CDYL2: variants seen among roughly 807,000 people sequenced by gnomAD.
CDYL2 encodes chromodomain Y like 2.
In CDYL2, 23 loss-of-function variants were observed where a neutral mutation model predicts 49.4. That is an observed-to-expected ratio of 0.47 (90% CI 0.34 to 0.66). CDYL2 has a LOEUF of 0.66. Among genes scored for constraint, CDYL2 ranks in the 30% least tolerant of loss-of-function variants. CDYL2 has a pLI of 0.01. For missense variants in CDYL2, 678 were observed against 656.4 expected (o/e 1.03, Z -0.36); for synonymous variants, 360 against 268.8 (o/e 1.34, Z -3.32).
Position 80,709,369 on chromosome 16 carries a change from G to A in CDYL2, c.25-24240C>T, listed in dbSNP as rs140942055. On this transcript the variant is annotated intron_variant, in intron 1 of 6. Coordinates refer to ENST00000570137, the MANE Select transcript of CDYL2 (RefSeq NM_152342.4). ...TGCACTCCAGCCTAGGCAACATAGCGAGACTCCATTTCAAAAAAAAAAAAA... is the reference window on the plus strand; with the variant it reads ...TGCACTCCAGCCTAGGCAACATAGCAAGACTCCATTTCAAAAAAAAAAAAA... Among the ~76,000 whole-genome samples, 772 of 138,614 alleles carry A rather than the reference G, an allele frequency of 5.6e-3. 7 individuals carry two copies. Among genetic ancestry groups the A allele is most frequent in the African/African-American group, 0.02 (693 of 33,830 alleles). 90.9% of individuals were successfully genotyped at this position (138,614 alleles called of 152,430 possible). A position where few individuals can be genotyped will look rare whatever the true frequency, so the allele number is the denominator to read the frequency against.
chr16:80,666,431 T>C (rs1224477639), intron 2 of CDYL2, among the ~76,000 whole-genome samples: 1 of 152,214 alleles, frequency 6.6e-6, no homozygotes, highest in Non-Finnish European at 1.5e-5. Context: ...ATACAGAGGC[T>C]GCAGCCCAAA....
At chr16:80,668,283 C>A (rs1045996030) in intron 2 of CDYL2, among the ~76,000 whole-genome samples, 2 of 152,132 alleles carry the variant, frequency 1.3e-5, no homozygotes, top group East Asian at 3.9e-4. Context: ...AATCTTTACT[C>A]GGATGTCAAC....
At chr16:80,750,308 A>C (rs1220764054) in intron 1 of CDYL2, among the ~76,000 whole-genome samples, 2 of 151,886 alleles carry the variant, frequency 1.3e-5, no homozygotes, top group Non-Finnish European at 2.9e-5. Flanking sequence ...ACCCACAAAT[A>C]TCATCTTGTT....
At chr16:80,734,888 G>A (rs987411381) in intron 1 of CDYL2, among the ~76,000 whole-genome samples, 1 of 152,142 alleles carries the variant, frequency 6.6e-6, no homozygotes, top group Non-Finnish European at 1.5e-5. Context: ...TCCAATGACT[G>A]ACAATCCTTG....
chr16:80,652,895 G>A (rs564996531), intron 2 of CDYL2, among the ~76,000 whole-genome samples: 1 of 152,280 alleles, frequency 6.6e-6, no homozygotes, highest in Middle Eastern at 3.4e-3. Flanking sequence ...AAGAAGGAAA[G>A]CCTGAGAAAC....
chr16:80,620,419 T>C (rs1907027203), intron 4 of CDYL2, among the ~76,000 whole-genome samples: 1 of 152,118 alleles, frequency 6.6e-6, no homozygotes, highest in Admixed American at 6.5e-5. Context: ...GGGAGTAGTG[T>C]GGACAACACA....
At chr16:80,764,789 G>T (rs1057420757) in intron 1 of CDYL2, among the ~76,000 whole-genome samples, 4 of 151,950 alleles carry the variant, frequency 2.6e-5, no homozygotes, top group African/African-American at 9.7e-5. Context: ...GGCTAGGCGC[G>T]GTGGCTCAAG....
intron 4 of CDYL2, among the ~76,000 whole-genome samples, chr16:80,620,504 C>T (rs1342451945): frequency 6.6e-6 from 1 of 152,164 alleles, no homozygotes; most frequent in African/African-American, 2.4e-5. Flanking sequence ...TGGGATCTAA[C>T]CTAGAGGGCA....
intron 1 of CDYL2, among the ~76,000 whole-genome samples, chr16:80,768,140 C>T (rs1906787250): frequency 6.6e-6 from 1 of 152,182 alleles, no homozygotes. Flanking sequence ...AGCCTGATGA[C>T]TTCACAGCCC....
At chr16:80,694,446 T>C (rs1336508010) in intron 1 of CDYL2, among the ~76,000 whole-genome samples, 2 of 151,738 alleles carry the variant, frequency 1.3e-5, no homozygotes, top group African/African-American at 2.4e-5. Context: ...TGAGCAAATA[T>C]GTAAATAATT....
chr16:80,698,424 G>A (rs1338134333), intron 1 of CDYL2, among the ~76,000 whole-genome samples: 3 of 152,044 alleles, frequency 2.0e-5, no homozygotes, highest in African/African-American at 7.2e-5. Flanking sequence ...CCAAATAGCT[G>A]AATTAAAAAA....
Position 80,602,283 on chromosome 16 carries a change from C to G in CDYL2, c.*2105G>C, listed in dbSNP as rs1042001475. ...CTCCCTGTAGGACAGGTCCGAAGTC[C>G]TTACAGGATCCTACATGGACAAAGG... On this transcript the variant is annotated 3_prime_UTR_variant, in exon 7 of 7. Transcript: ENST00000570137. 4 of 152,200 alleles carry G rather than the reference C, an allele frequency of 2.6e-5. No homozygotes were observed. Among genetic ancestry groups the G allele is most frequent in the Non-Finnish European group, 4.4e-5 (3 of 68,038 alleles). The allele number at this position is 152,200 out of a possible 1,614,324, so 9.4% of individuals were successfully genotyped here. A position where few individuals can be genotyped will look rare whatever the true frequency, so the allele number is the denominator to read the frequency against.
chr16:80,735,790 G>T (rs1428600601), intron 1 of CDYL2, among the ~76,000 whole-genome samples: 2 of 152,176 alleles, frequency 1.3e-5, no homozygotes, highest in Admixed American at 6.5e-5. Context: ...CATTTGCATT[G>T]CCTCTTCAAA....
At chr16:80,776,974 C>A (rs1262838882) in intron 1 of CDYL2, among the ~76,000 whole-genome samples, 1 of 151,930 alleles carries the variant, frequency 6.6e-6, no homozygotes, top group Non-Finnish European at 1.5e-5. Flanking sequence ...CACGCTGCCA[C>A]GCCCGGCTAA....
chr16:80,622,121 T>C lies in CDYL2; in HGVS notation c.835-1186A>G, dbSNP rs545921236. ...TCACACAATGCCTAGTCTATGCACTTTGACACTGCAAATTCCCACTATCTG... is the reference window on the plus strand; with the variant it reads ...TCACACAATGCCTAGTCTATGCACTCTGACACTGCAAATTCCCACTATCTG... On this transcript the variant is annotated intron_variant, in intron 3 of 6. Coordinates refer to ENST00000570137, the MANE Select transcript of CDYL2 (RefSeq NM_152342.4). 1.4e-3 allele frequency among the ~76,000 whole-genome samples: 215 copies of C among 152,322 alleles called. 1 individual carries two copies. The highest frequency in any genetic ancestry group is 4.9e-3 in the African/African-American group (205 of 41,564).
At chr16:80,683,544 G>C (rs543838837) in intron 2 of CDYL2, among the ~76,000 whole-genome samples, 1 of 149,982 alleles carries the variant, frequency 6.7e-6, no homozygotes, top group East Asian at 2.0e-4. Context: ...GGCTGTGTTA[G>C]AGTAAGAGGC....
At chr16:80,736,100 G>C (rs1205361421) in intron 1 of CDYL2, among the ~76,000 whole-genome samples, 1 of 152,338 alleles carries the variant, frequency 6.6e-6, no homozygotes. Context: ...ACTCCCAGCT[G>C]TCACAGCTGG....
At chr16:80,635,613 A>C (rs1266565999) in intron 2 of CDYL2, among the ~76,000 whole-genome samples, 1 of 152,236 alleles carries the variant, frequency 6.6e-6, no homozygotes, top group Non-Finnish European at 1.5e-5. Context: ...AGGAAGAATC[A>C]ATATCGTAAA....
chr16:80,669,413 G>A (rs1006822253), intron 2 of CDYL2, among the ~76,000 whole-genome samples: 27 of 152,220 alleles, frequency 1.8e-4, no homozygotes, highest in South Asian at 6.2e-4. Context: ...GAACCAAGTC[G>A]GAAGTGGCCC....
Sources: gnomAD v4.1 joint callset for allele counts (sites outside exome capture counted in the v4.1 genomes callset) on GRCh38, gnomAD v4.1.1 for gene constraint, MANE v1.5 for transcripts, NCBI Gene and HGNC (gene_info 2026-07-23, HGNC 2026-07-21) for gene names.